The following PRRC2B variants were observed in gnomAD, a reference collection of about 807,000 sequenced individuals.
PRRC2B encodes protein PRRC2B.
A neutral mutation model predicts 242.3 loss-of-function variants in PRRC2B; 68 were observed. That is an observed-to-expected ratio of 0.28 (90% CI 0.23 to 0.34). PRRC2B has a LOEUF of 0.34. PRRC2B is among the 10% of genes least tolerant of loss of function. The probability of loss-of-function intolerance (pLI) is 1.00; values close to 1 mark genes in which losing one functional copy is unlikely to be tolerated. For missense variants in PRRC2B, 2,835 were observed against 2,954.8 expected, an observed-to-expected ratio of 0.96 and a Z score of 0.94; for synonymous variants, 1,228 against 1,173.6, an observed-to-expected ratio of 1.05 and a Z score of -0.95.
intron 13 of PRRC2B, among the ~76,000 whole-genome samples, chr9:131,468,503 T>A (rs1027806046): frequency 6.6e-6 from 1 of 152,200 alleles, no homozygotes; most frequent in African/African-American, 2.4e-5. Context: ...GTCCTAAAGA[T>A]CATGTGGATA....
intron 1 of PRRC2B, among the ~76,000 whole-genome samples, chr9:131,396,856 G>A (rs1194397378): frequency 6.6e-6 from 1 of 152,194 alleles, no homozygotes; most frequent in African/African-American, 2.4e-5. Flanking sequence ...ACTGAACCCA[G>A]TGTTGGCCAC....
intron 3 of PRRC2B, among the ~76,000 whole-genome samples, chr9:131,434,200 C>G (rs965610931): frequency 1.3e-5 from 2 of 152,220 alleles, no homozygotes; most frequent in African/African-American, 4.8e-5. Context: ...CTGCTGTCAT[C>G]ATTCCATTCA....
At chr9:131,386,846 TAG>T (rs1836832602) in intron 1 of PRRC2B, among the ~76,000 whole-genome samples, 1 of 149,254 alleles carries the variant, frequency 6.7e-6, no homozygotes, top group South Asian at 2.1e-4. Context: ...TATATATATA[TAG>T]GAGTTTATTA....
At chr9:131,421,810 G>T (rs751760971) in intron 1 of PRRC2B, among the ~76,000 whole-genome samples, 9 of 152,190 alleles carry the variant, frequency 5.9e-5, no homozygotes, top group African/African-American at 1.2e-4. Context: ...AGCTGTCCAG[G>T]ATCATCATCT....
intron 1 of PRRC2B, among the ~76,000 whole-genome samples, chr9:131,426,893 C>T (rs993951614): frequency 6.6e-5 from 10 of 152,234 alleles, no homozygotes; most frequent in Admixed American, 6.5e-4. Context: ...TTTGCAAACA[C>T]CCTGGTATTC....
chr9:131,471,132 T>TGA (rs1038524176), intron 14 of PRRC2B, 149 bp downstream of exon 14: 1 of 564,832 alleles, frequency 1.8e-6, no homozygotes, highest in African/African-American at 2.0e-5. Context: ...AGTAGTCACT[T>TGA]GCAAAGTGTA....
intron 1 of PRRC2B, among the ~76,000 whole-genome samples, chr9:131,407,237 G>C (rs1837389891): frequency 2.0e-5 from 3 of 152,182 alleles, no homozygotes; most frequent in Admixed American, 2.0e-4. Flanking sequence ...GTTGGAGGGT[G>C]GGGGAAGGGG....
At chr9:131,485,799 A>C in intron 25 of PRRC2B, 1 of 682,174 alleles carries the variant, frequency 1.5e-6, no homozygotes, top group Non-Finnish European at 2.7e-6. Context: ...TGTCTGGGGT[A>C]GTTGGTGAGT....
chr9:131,490,427 T>A (rs1463813506), intron 28 of PRRC2B: 1 of 518,580 alleles, frequency 1.9e-6, no homozygotes, highest in Non-Finnish European at 3.8e-6. Context: ...ATTTTCATCC[T>A]GCACCATTTT....
At chr9:131,433,383 C>G (rs1255427452) in intron 3 of PRRC2B, among the ~76,000 whole-genome samples, 1 of 152,312 alleles carries the variant, frequency 6.6e-6, no homozygotes, top group East Asian at 1.9e-4. Flanking sequence ...ACAGTACTTA[C>G]AGAAACCCTA....
chr9:131,424,489 C>T (rs1436570952), intron 1 of PRRC2B, among the ~76,000 whole-genome samples: 1 of 152,246 alleles, frequency 6.6e-6, no homozygotes, highest in South Asian at 2.1e-4. Context: ...GAGTTTGAGA[C>T]AAGCCTGGCC....
chr9:131,388,819 G>A (rs1052914966), intron 1 of PRRC2B, among the ~76,000 whole-genome samples: 2 of 145,952 alleles, frequency 1.4e-5, no homozygotes, highest in African/African-American at 2.5e-5. Context: ...TGGGATTACC[G>A]CACCTGGCCC....
rs1326209262 is a variant in PRRC2B, at chr9:131,475,185, A to G, written c.3056A>G (p.Lys1019Arg). 10 of 1,613,512 alleles carry G rather than the reference A, an allele frequency of 6.2e-6. No homozygotes were observed. The highest frequency in any genetic ancestry group is 8.5e-6 in the Non-Finnish European group (10 of 1,179,796). ...GCCACTTTTGGCCGCGAGGCCACCA[A>G]ATTTGAAGAGGAGGAGAAACCTGAC... is the stretch of plus-strand genomic sequence containing the variant. Reference protein sequence around the residue: ...GHATFGREATKFEEEEKPDKA... With the variant: ...GHATFGREATRFEEEEKPDKA... The change falls in exon 16 of 32, where the codon AAA becomes AGA. Residue 1019 changes from lysine (K) to arginine (R), a missense_variant. By Grantham distance (26) the Lys-to-Arg change is conservative. This residue lies in a region of PRRC2B where 1,536 missense variants were observed against 1,483.1 expected (regional missense o/e 1.04). Coordinates refer to ENST00000683519, the MANE Select transcript of PRRC2B (RefSeq NM_013318.4).
In PRRC2B at chr9:131,470,999, TG is replaced by T. The variant is rs747902008; in HGVS notation, c.2107+17del. ...CATCCCTCAGGTAAGCACTGTGGTCTGACGGTCCATACCTGTATCACCCAGG... is the reference window on the plus strand; with the variant it reads ...CATCCCTCAGGTAAGCACTGTGGTCTACGGTCCATACCTGTATCACCCAGG... On this transcript the variant is annotated intron_variant, in intron 14 of 31. Coordinates refer to ENST00000683519, the MANE Select transcript of PRRC2B (RefSeq NM_013318.4). The T allele has an allele frequency of 1.9e-6, 3 of 1,588,326 alleles. No individual in the cohort carries two copies. In the African/African-American group the frequency reaches 4.1e-5, roughly 21 times the overall value.
At chr9:131,495,556 C>T (rs935416493) in intron 31 of PRRC2B, among the ~76,000 whole-genome samples, 184 bp from the exon 32 acceptor site, 11 of 151,988 alleles carry the variant, frequency 7.2e-5, no homozygotes, top group Admixed American at 1.3e-4. Flanking sequence ...GGAGCAGAGA[C>T]GGCACTCGCG....
chr9:131,478,457 G>A lies in PRRC2B; in HGVS notation c.4613-17G>A, dbSNP rs181736686. On this transcript the variant is annotated splice_polypyrimidine_tract_variant and intron_variant, in intron 17 of 31. Transcript: ENST00000683519. The stretch of plus-strand genomic sequence containing the variant: ...GTGAGTGGAAAGACTGTTCCTTCTC[G>A]TGAAATCTTGGTTCAGGTGCCATCA... The A allele has an allele frequency of 9.5e-5, 153 of 1,611,886 alleles. No homozygotes were observed. The African/African-American group carries it at 1.7e-3, about 18-fold the overall frequency.
chr9:131,472,845 C>A (rs1204741852), intron 14 of PRRC2B, among the ~76,000 whole-genome samples: 2 of 152,170 alleles, frequency 1.3e-5, no homozygotes, highest in Non-Finnish European at 2.9e-5. Flanking sequence ...TTATTCTTCT[C>A]TTTCTGTGCC....
chr9:131,454,771 T>G (rs1224035572), intron 9 of PRRC2B, among the ~76,000 whole-genome samples: 1 of 152,036 alleles, frequency 6.6e-6, no homozygotes, highest in Non-Finnish European at 1.5e-5. Context: ...GAGTAGCTAG[T>G]ATTACAGGCA....
intron 1 of PRRC2B, among the ~76,000 whole-genome samples, chr9:131,420,133 C>T (rs1041714481): frequency 1.3e-5 from 2 of 152,106 alleles, no homozygotes; most frequent in African/African-American, 4.8e-5. Flanking sequence ...TATGCTGTCT[C>T]CTTGGGGTGC....
Sources: allele counts gnomAD v4.1 joint callset (sites outside exome capture counted in the v4.1 genomes callset), GRCh38; gene constraint gnomAD v4.1.1; regional missense constraint gnomAD v4.1.1; transcripts MANE v1.5; gene names NCBI Gene and HGNC (gene_info 2026-07-23, HGNC 2026-07-21).